The following PARD3B variants were observed in gnomAD, a reference collection of about 807,000 sequenced individuals.
PARD3B encodes the protein partitioning defective 3 homolog B.
A neutral mutation model predicts 130.2 loss-of-function variants in PARD3B; 103 were observed. The observed-to-expected ratio is 0.79, with a 90% CI of 0.67 to 0.93. The LOEUF (loss-of-function observed/expected upper bound fraction) is 0.93. Ranked by LOEUF, PARD3B falls within the 40% of genes least tolerant of loss-of-function variation. The pLI is 0.00. For synonymous variants in PARD3B, 583 were observed against 553.2 expected (o/e 1.05, Z -0.76); for missense variants, 1,609 against 1,499.2 (o/e 1.07, Z -1.21).
At chr2:205,428,408 C>G (rs2047218681) in intron 19 of PARD3B, among the ~76,000 whole-genome samples, 1 of 152,010 alleles carries the variant, frequency 6.6e-6, no homozygotes, top group Admixed American at 6.6e-5. Flanking sequence ...AAAAGAGGCC[C>G]CAGAGAGCTG....
At chr2:204,998,340 ATATATATATATATATATATG>A (rs1161157528) in intron 3 of PARD3B, among the ~76,000 whole-genome samples, 9 of 82,058 alleles carry the variant, frequency 1.1e-4, no homozygotes, top group African/African-American at 3.9e-4. Flanking sequence ...ATATATATAT[ATATATATATATATATATATG>A]TGTGTGTGTG....
chr2:205,481,659 A>G (rs781588812), intron 20 of PARD3B, among the ~76,000 whole-genome samples: 1 of 152,212 alleles, frequency 6.6e-6, no homozygotes, highest in Non-Finnish European at 1.5e-5. Flanking sequence ...ATTGCTTTAA[A>G]TAAAAACTCA....
intron 18 of PARD3B, among the ~76,000 whole-genome samples, chr2:205,334,279 T>C (rs1049959270): frequency 9.2e-5 from 14 of 152,206 alleles, no homozygotes; most frequent in African/African-American, 3.4e-4. Flanking sequence ...TAAATCCAGC[T>C]GCTAACTTAG....
At chr2:205,189,993 TA>T (rs2036307027) in intron 14 of PARD3B, among the ~76,000 whole-genome samples, 1 of 152,260 alleles carries the variant, frequency 6.6e-6, no homozygotes, top group South Asian at 2.1e-4. Context: ...TTAAAGGACA[TA>T]ATCAGATGTG....
At chr2:204,650,138 C>A (rs1340935640) in intron 1 of PARD3B, among the ~76,000 whole-genome samples, 1 of 152,100 alleles carries the variant, frequency 6.6e-6, no homozygotes, top group Non-Finnish European at 1.5e-5. Flanking sequence ...ATGCAGCAAA[C>A]AAGCATATTA....
At position 205,407,044 on chromosome 2, in the gene PARD3B, T is replaced by C. The variant is rs77464053; in HGVS notation, c.2741+5921T>C. Among the ~76,000 whole-genome samples the C allele has an allele frequency of 0.029, 4,340 of 152,256 alleles. 192 individuals carry two copies. The highest frequency in any genetic ancestry group is 0.098 in the African/African-American group (4,066 of 41,500). On this transcript the variant is annotated intron_variant, in intron 19 of 22. Transcript: ENST00000406610. This position sits in a 1 kb window ranked among gnomAD's most constrained non-coding sequence, Gnocchi z 4.1. ...TTTTCAGATATTCCAGTATGAGAAA[T>C]ATCTAAATATCTTAAGTATGGAAGC...
intron 2 of PARD3B, among the ~76,000 whole-genome samples, chr2:204,719,297 G>T (rs562172640): frequency 6.6e-6 from 1 of 152,252 alleles, no homozygotes; most frequent in African/African-American, 2.4e-5. Flanking sequence ...GTAGATTGAG[G>T]TATGTTTTCA....
Position 205,121,529 on chromosome 2 carries a change from T to C in PARD3B, c.807-62T>C. 1 of 1,423,688 alleles carries C rather than the reference T, an allele frequency of 7.0e-7. No homozygotes were observed. The highest frequency in any genetic ancestry group is 9.7e-7 in the Non-Finnish European group (1 of 1,025,688). The allele number at this position is 1,423,688 out of a possible 1,614,324, so 88.2% of individuals were successfully genotyped here. Reference sequence around the variant, plus strand: ...GCTCTTGGTTGCCATCCTCCTGGGGTACTTTAGAAGATGCTGCACCTCAAA... The same window carrying C: ...GCTCTTGGTTGCCATCCTCCTGGGGCACTTTAGAAGATGCTGCACCTCAAA... On this transcript the variant is annotated intron_variant, in intron 7 of 22. Coordinates refer to ENST00000406610, the MANE Select transcript of PARD3B (RefSeq NM_001302769.2). This position sits in a 1 kb window ranked among gnomAD's most constrained non-coding sequence, Gnocchi z 5.0.
intron 10 of PARD3B, among the ~76,000 whole-genome samples, chr2:205,141,553 T>C (rs849110): frequency 0.77 from 117,781 of 152,090 alleles, 45,944 homozygotes; most frequent in Admixed American, 0.83. Context: ...AACTCAGAAG[T>C]GGATATGGTG....
chr2:205,486,020 G>A (rs577419936), intron 20 of PARD3B, among the ~76,000 whole-genome samples: 4 of 152,226 alleles, frequency 2.6e-5, no homozygotes, highest in African/African-American at 7.2e-5. Context: ...GGGTCAAGTC[G>A]GGGTCTTAAT....
At chr2:204,549,206 G>C (rs1437237617) in intron 1 of PARD3B, among the ~76,000 whole-genome samples, 2 of 152,110 alleles carry the variant, frequency 1.3e-5, no homozygotes, top group African/African-American at 4.8e-5. Flanking sequence ...CTGGGCCTTT[G>C]AGGTTCCTGC....
rs1057513797 is a variant in PARD3B, at chr2:205,351,433, C to A, written c.2631-49580C>A. ...GAGTTTTCAGAAAACTGAAAGGTTG[C>A]CCTCAAGCTAGGTGCTGGAGGGATT... On this transcript the variant is annotated intron_variant, in intron 18 of 22. Transcript: ENST00000406610. This position sits in a 1 kb window ranked among gnomAD's most constrained non-coding sequence, Gnocchi z 4.2. Among the ~76,000 whole-genome samples the A allele has an allele frequency of 3.9e-5, 6 of 152,080 alleles. No individual in the cohort carries two copies. The highest frequency in any genetic ancestry group is 3.9e-4 in the Admixed American group (6 of 15,272).
chr2:204,831,700 G>A (rs1008178409), intron 2 of PARD3B, among the ~76,000 whole-genome samples: 8 of 90,778 alleles, frequency 8.8e-5, no homozygotes, highest in African/African-American at 5.6e-4. Context: ...AACCCTTCTC[G>A]TAGTTGTTTC....
chr2:204,996,742 G>GCCTA (rs1033376581), intron 3 of PARD3B, among the ~76,000 whole-genome samples: 4 of 149,482 alleles, frequency 2.7e-5, no homozygotes, highest in African/African-American at 9.8e-5. Flanking sequence ...GATTCCGTGG[G>GCCTA]CGTAGGACCC....
At chr2:205,597,556 C>G (rs998112940) in intron 22 of PARD3B, among the ~76,000 whole-genome samples, 3 of 152,192 alleles carry the variant, frequency 2.0e-5, no homozygotes, top group African/African-American at 7.2e-5. Context: ...AGTGGAATTG[C>G]TGGATTGAAT....
chr2:205,142,880 A>AT lies in PARD3B; in HGVS notation c.1435-15842_1435-15841insT, dbSNP rs2033079422. ...GTGACAGGATGAGACTTCGGTCTCA[A>AT]AAAATAAATAAATAAATAAATAAAT... On this transcript the variant is annotated intron_variant, in intron 10 of 22. Transcript: ENST00000406610. The surrounding 1 kb of genome is among the most constrained non-coding windows in gnomAD (Gnocchi z 4.3). Among the ~76,000 whole-genome samples, 1 of 128,004 alleles carries AT rather than the reference A, an allele frequency of 7.8e-6. No individual in the cohort carries two copies. The highest frequency in any genetic ancestry group is 1.7e-5 in the Non-Finnish European group (1 of 60,472). The allele number at this position is 128,004 out of a possible 152,430, so 84.0% of individuals were successfully genotyped here.
At chr2:205,225,176 C>T (rs78469980) in intron 15 of PARD3B, among the ~76,000 whole-genome samples, 1 of 151,912 alleles carries the variant, frequency 6.6e-6, no homozygotes, top group Non-Finnish European at 1.5e-5. Context: ...TTTTAAGGAA[C>T]CTCCAAACCA....
intron 10 of PARD3B, among the ~76,000 whole-genome samples, chr2:205,154,597 A>G (rs930112711): frequency 6.6e-6 from 1 of 152,194 alleles, no homozygotes. Flanking sequence ...ACATGCACAC[A>G]TATGTTTATT....
At chr2:204,855,544 GAA>G (rs1159814030) in intron 2 of PARD3B, among the ~76,000 whole-genome samples, 99 of 139,964 alleles carry the variant, frequency 7.1e-4, no homozygotes, top group African/African-American at 2.4e-3. Flanking sequence ...CCCTCTAAAA[GAA>G]AAAAAAATAT....
Sources: allele counts gnomAD v4.1 joint callset (sites outside exome capture counted in the v4.1 genomes callset), GRCh38; gene constraint gnomAD v4.1.1; non-coding constraint Gnocchi (gnomAD v3.1); transcripts MANE v1.5; gene names NCBI Gene and HGNC (gene_info 2026-07-23, HGNC 2026-07-21).